Variants in SPP1 observed in about 807,000 individuals in gnomAD.
SPP1 encodes secreted phosphoprotein 1.
A neutral mutation model predicts 20.8 loss-of-function variants in SPP1; 18 were observed. That is an observed-to-expected ratio of 0.87 (90% confidence interval 0.60 to 1.29). The LOEUF is 1.29. Among genes scored for constraint, SPP1 ranks in the 50% most tolerant of loss-of-function variants. The probability of loss-of-function intolerance (pLI) is 0.00; values close to 1 mark genes in which losing one functional copy is unlikely to be tolerated. For synonymous variants in SPP1, 146 were observed against 141.5 expected (o/e 1.03, Z -0.23); for missense variants, 363 against 389.0 (o/e 0.93, Z 0.56).
intron 3 of SPP1, 104 bp from the exon 4 acceptor site, chr4:87,979,942 G>A (rs1220053957): frequency 1.5e-5 from 17 of 1,108,006 alleles, no homozygotes; most frequent in Middle Eastern, 4.1e-4. Flanking sequence ...CTAAGGGTCC[G>A]GGTGACTATA....
chr4:87,982,447 C>T, intron 6 of SPP1, 45 bp from the exon 7 acceptor site: 1 of 1,582,614 alleles, frequency 6.3e-7, no homozygotes, highest in Non-Finnish European at 8.6e-7. Flanking sequence ...ATATTCCCAT[C>T]CCTAGCCGTT....
Position 87,977,814 on chromosome 4 carries a change from A to C in SPP1, c.93+717A>C, listed in dbSNP as rs138372596. The C allele has an allele frequency of 7.8e-6, 10 of 1,281,040 alleles. No homozygotes were observed. In the African/African-American group the frequency reaches 1.1e-4, roughly 14 times the overall value. 79.4% of individuals were successfully genotyped at this position (1,281,040 alleles called of 1,614,324 possible). A position where few individuals can be genotyped will look rare whatever the true frequency, so the allele number is the denominator to read the frequency against. ...CCAAAATAGAGCTGCCTTGGGGGTC[A>C]CTGCAATTAGACTGCTTAATGAAGA... On this transcript the variant is annotated intron_variant, in intron 3 of 6. Transcript: ENST00000395080.
In SPP1 at chr4:87,982,763, G is replaced by A. The variant is rs140081980; in HGVS notation, c.812G>A (p.Arg271His). 1.3e-4 allele frequency: 206 copies of A among 1,614,126 alleles called. 1 individual carries two copies. The highest frequency in any genetic ancestry group is 5.5e-4 in the Admixed American group (33 of 60,014). The change falls in exon 7 of 7, where the codon CGT (arginine) becomes CAT (histidine). Residue 271 changes from arginine (R) to histidine (H), a missense_variant. Arg to His is a conservative substitution (Grantham distance 29). Coordinates refer to ENST00000395080, the MANE Select transcript of SPP1 (RefSeq NM_001040058.2). ...IDSQELSKVS[R>H]EFHSHEFHSH... Reference sequence around the variant, plus strand: ...AGTCAGGAACTTTCCAAAGTCAGCCGTGAATTCCACAGCCATGAATTTCAC... The same window carrying A: ...AGTCAGGAACTTTCCAAAGTCAGCCATGAATTCCACAGCCATGAATTTCAC...
At position 87,982,462 on chromosome 4, in the gene SPP1, T is replaced by C. The variant is rs1412070783; in HGVS notation, c.541-30T>C. On this transcript the variant is annotated intron_variant, in intron 6 of 6. Coordinates refer to ENST00000395080, the MANE Select transcript of SPP1 (RefSeq NM_001040058.2). The stretch of plus-strand genomic sequence containing the variant: ...ATATTCCCATCCCTAGCCGTTCATA[T>C]AATTATTCTTCATTTGTGCCGTGAT... 2.5e-6 allele frequency: 4 copies of C among 1,599,954 alleles called. No homozygotes were observed. In the East Asian group the frequency reaches 8.9e-5, roughly 36 times the overall value.
chr4:87,976,196 T>C (rs1372608119), intron 1 of SPP1, among the ~76,000 whole-genome samples: 1 of 152,214 alleles, frequency 6.6e-6, no homozygotes, highest in African/African-American at 2.4e-5. Context: ...ATGATGTATC[T>C]CACTTTTAAG....
At position 87,980,408 on chromosome 4, in the gene SPP1, G is replaced by A; in HGVS notation, c.190G>A (p.Glu64Lys). 3 of 1,614,152 alleles carry A rather than the reference G, an allele frequency of 1.9e-6. No homozygotes were observed. The highest frequency in any genetic ancestry group is 2.2e-5 in the South Asian group (2 of 91,070). Residue 64 changes from glutamate to lysine, a missense_variant, in exon 5 of 7, where the codon GAA becomes AAA. Coordinates refer to ENST00000395080, the MANE Select transcript of SPP1 (RefSeq NM_001040058.2). ...LLAPQNAVSS[E>K]ETNDFKQETL... ...CCTTCTTCAGAATGCTGTGTCCTCT[G>A]AAGAAACCAATGACTTTAAACAAGA...
At chr4:87,979,677 T>G (rs1189864611) in intron 3 of SPP1, among the ~76,000 whole-genome samples, 1 of 152,126 alleles carries the variant, frequency 6.6e-6, no homozygotes, top group Non-Finnish European at 1.5e-5. Context: ...CAGTGTGAAG[T>G]TCGGTGTTAA....
chr4:87,982,828 G>T lies in SPP1; in HGVS notation c.877G>T (p.Glu293Ter). ...DMLVVDPKSK[E>*]EDKHLKFRIS... ...GCTGGTTGTAGACCCCAAAAGTAAG[G>T]AAGAAGATAAACACCTGAAATTTCG... is the stretch of plus-strand genomic sequence containing the variant. The change falls in exon 7 of 7, where the codon GAA becomes TAA. Residue 293 changes from glutamate (E) to a stop codon, truncating the protein, a stop_gained. Coordinates refer to ENST00000395080, the MANE Select transcript of SPP1 (RefSeq NM_001040058.2). LOFTEE classifies it high-confidence loss of function. The T allele has an allele frequency of 6.2e-7, 1 of 1,614,120 alleles. No individual in the cohort carries two copies. Among genetic ancestry groups the T allele is most frequent in the Non-Finnish European group, 8.5e-7 (1 of 1,179,996 alleles).
At position 87,981,640 on chromosome 4, in the gene SPP1, G is replaced by T; in HGVS notation, c.382G>T (p.Glu128Ter). Residue 128 changes from glutamate (E) to a stop codon, truncating the protein, a stop_gained, in exon 6 of 7, where the codon GAA becomes TAA. Transcript: ENST00000395080. LOFTEE classifies it high-confidence loss of function. ...HQSDESHHSD[E>*]SDELVTDFPT... The stretch of plus-strand genomic sequence containing the variant: ...GTCTGATGAGTCTCACCATTCTGAT[G>T]AATCTGATGAACTGGTCACTGATTT... 1 of 1,614,168 alleles carries T rather than the reference G, an allele frequency of 6.2e-7. No homozygotes were observed. The highest frequency in any genetic ancestry group is 8.5e-7 in the Non-Finnish European group (1 of 1,180,038).
At chr4:87,979,789 T>C (rs1725571280) in intron 3 of SPP1, among the ~76,000 whole-genome samples, 1 of 152,048 alleles carries the variant, frequency 6.6e-6, no homozygotes, top group Non-Finnish European at 1.5e-5. Flanking sequence ...GGAATAATAA[T>C]GATACCTATC....
At chr4:87,981,353 A>T in intron 5 of SPP1, 122 bp from the exon 6 acceptor site, 1 of 856,280 alleles carries the variant, frequency 1.2e-6, no homozygotes, top group Non-Finnish European at 1.8e-6. Context: ...CATGGTATGT[A>T]CTGTGAATGC....
chr4:87,979,408 C>T (rs538426901), intron 3 of SPP1, among the ~76,000 whole-genome samples: 2 of 151,902 alleles, frequency 1.3e-5, no homozygotes, highest in Non-Finnish European at 2.9e-5. Context: ...CTCCTGACCT[C>T]GTGATCCGCC....
Position 87,976,873 on chromosome 4 carries a change from A to G in SPP1, c.-14-9A>G, listed in dbSNP as rs1560580560. Reference sequence around the variant, plus strand: ...AGATGTCAGCTATTCCTTATGAAATATTTTGCAGGAAAACTCACTACCATG... The same window carrying G: ...AGATGTCAGCTATTCCTTATGAAATGTTTTGCAGGAAAACTCACTACCATG... On this transcript the variant is annotated splice_polypyrimidine_tract_variant and intron_variant, in intron 1 of 6. Coordinates refer to ENST00000395080, the MANE Select transcript of SPP1 (RefSeq NM_001040058.2). The G allele has an allele frequency of 1.9e-6, 3 of 1,609,892 alleles. No individual in the cohort carries two copies. Among genetic ancestry groups the G allele is most frequent in the Non-Finnish European group, 2.6e-6 (3 of 1,176,338 alleles).
intron 2 of SPP1, 22 bp downstream of exon 2, chr4:87,976,971 A>G: frequency 6.2e-7 from 1 of 1,613,658 alleles, no homozygotes. Flanking sequence ...TGCATCTTAA[A>G]GAAAATTCCT....
intron 3 of SPP1, among the ~76,000 whole-genome samples, chr4:87,978,604 C>T (rs371535577): frequency 6.6e-6 from 1 of 151,868 alleles, no homozygotes; most frequent in African/African-American, 2.4e-5. Context: ...GGATGGTCTC[C>T]ATCTCCTGAC....
chr4:87,980,601 A>C, intron 5 of SPP1, 167 bp downstream of exon 5: 1 of 679,950 alleles, frequency 1.5e-6, no homozygotes, highest in South Asian at 2.0e-5. Context: ...CAGAAATACT[A>C]GGTTTCCTCG....
At chr4:87,981,947 A>T in intron 6 of SPP1, 149 bp downstream of exon 6, 2 of 736,212 alleles carry the variant, frequency 2.7e-6, no homozygotes, top group East Asian at 5.5e-5. Context: ...ATTGAATACA[A>T]ATCTTTTTCT....
At chr4:87,976,178 T>A (rs1725370246) in intron 1 of SPP1, among the ~76,000 whole-genome samples, 1 of 152,226 alleles carries the variant, frequency 6.6e-6, no homozygotes, top group Non-Finnish European at 1.5e-5. Flanking sequence ...TACAATGCTA[T>A]TTTTTAAATG....
intron 3 of SPP1, among the ~76,000 whole-genome samples, chr4:87,979,659 A>G (rs1725566847): frequency 6.6e-6 from 1 of 152,192 alleles, no homozygotes; most frequent in Non-Finnish European, 1.5e-5. Context: ...ACATACAAAA[A>G]GAAAGCACAG....
Sources: allele counts gnomAD v4.1 joint callset (sites outside exome capture counted in the v4.1 genomes callset), GRCh38; gene constraint gnomAD v4.1.1; transcripts MANE v1.5; gene names NCBI Gene and HGNC (gene_info 2026-07-23, HGNC 2026-07-21).